The following SUGCT variants were observed in gnomAD, a reference collection of about 807,000 sequenced individuals.
The protein encoded by SUGCT is succinyl-CoA:glutarate CoA-transferase.
A neutral mutation model predicts 55.0 loss-of-function variants in SUGCT; 41 were observed. The ratio of observed to expected loss-of-function variants is 0.74; its 90% CI spans 0.58 to 0.97. The LOEUF (loss-of-function observed/expected upper bound fraction) is 0.97, where lower values mean the gene tolerates loss of function less well. Among genes scored for constraint, SUGCT ranks in the 50% least tolerant of loss-of-function variants. SUGCT has a pLI of 0.00. For synonymous variants in SUGCT, 187 were observed against 200.4 expected (o/e 0.93, Z 0.56); for missense variants, 568 against 547.8 (o/e 1.04, Z -0.37).
chr7:40,517,911 A>C (rs529443310), intron 12 of SUGCT, among the ~76,000 whole-genome samples: 6 of 152,138 alleles, frequency 3.9e-5, no homozygotes, highest in African/African-American at 1.4e-4. Context: ...TGCATATTAT[A>C]TAATTCCAAT....
rs1554296332 is a variant in SUGCT at position 40,249,313 on chromosome 7, C to CTATATGTATATATATA, written c.576+11592_576+11593insGTATATATATATATAT. 1.4e-4 allele frequency among the ~76,000 whole-genome samples: 11 copies of CTATATGTATATATATA among 79,512 alleles called. No homozygotes were observed. The South Asian group carries it at 5.1e-3, about 37-fold the overall frequency. The allele number at this position is 79,512 out of a possible 152,430, so 52.2% of individuals were successfully genotyped here. A position where few individuals can be genotyped will look rare whatever the true frequency, so the allele number is the denominator to read the frequency against. On this transcript the variant is annotated intron_variant, in intron 7 of 13. Coordinates refer to ENST00000335693, the MANE Select transcript of SUGCT (RefSeq NM_001193313.2). ...TCTTAAAACAAAAAACACCAAAAAG[C>CTATATGTATATATATA]TATATATATATATATATATATATAT...
intron 2 of SUGCT, 52 bp from the exon 3 acceptor site, chr7:40,181,898 TTAATA>T (rs1269307777): frequency 1.8e-6 from 2 of 1,095,632 alleles, no homozygotes; most frequent in East Asian, 5.2e-5. Flanking sequence ...TGGAAAATAA[TTAATA>T]TAAACATTTT....
intron 6 of SUGCT, among the ~76,000 whole-genome samples, chr7:40,210,834 TTAGGGTGGAGCAGGTGATTGGAAGG>T (rs1787294232): frequency 6.6e-6 from 1 of 151,788 alleles, no homozygotes; most frequent in South Asian, 2.1e-4. Context: ...TTGGAATGAG[TTAGGGTGGAGCAGGTGATTGGAAGG>T]TAGGGTGGAG....
chr7:40,327,625 G>A (rs1562684076), intron 9 of SUGCT, among the ~76,000 whole-genome samples: 2 of 152,184 alleles, frequency 1.3e-5, no homozygotes, highest in East Asian at 3.9e-4. Flanking sequence ...TGCAAGGAAA[G>A]TAAAAGTAGT....
intron 12 of SUGCT, among the ~76,000 whole-genome samples, chr7:40,649,561 C>A (rs1479550961): frequency 6.6e-6 from 1 of 152,104 alleles, no homozygotes; most frequent in Non-Finnish European, 1.5e-5. Context: ...TATATTAATT[C>A]TATCTTCTAT....
At chr7:40,205,146 C>T (rs565020363) in intron 6 of SUGCT, among the ~76,000 whole-genome samples, 11 of 150,124 alleles carry the variant, frequency 7.3e-5, no homozygotes, top group African/African-American at 2.0e-4. Context: ...CCTAGCTACT[C>T]GGGGAGGCTG....
At chr7:40,705,335 C>A (rs1008929439) in intron 12 of SUGCT, among the ~76,000 whole-genome samples, 1 of 152,096 alleles carries the variant, frequency 6.6e-6, no homozygotes, top group African/African-American at 2.4e-5. Context: ...GCCATTTCAT[C>A]CCAGGTAGAT....
the SUGCT span, among the ~76,000 whole-genome samples, chr7:41,035,467 T>C: frequency 2.0e-5 from 3 of 152,110 alleles, no homozygotes; most frequent in African/African-American, 4.8e-5. Flanking sequence ...TCCATCATGC[T>C]CTCAAAGGGT....
intron 12 of SUGCT, among the ~76,000 whole-genome samples, chr7:40,666,011 T>C (rs1212582806): frequency 6.6e-6 from 1 of 151,792 alleles, no homozygotes; most frequent in African/African-American, 2.4e-5. Flanking sequence ...TGATCGACAG[T>C]TTGAGGAAAA....
At chr7:40,184,561 G>A (rs1286310153) in intron 3 of SUGCT, among the ~76,000 whole-genome samples, 1 of 151,622 alleles carries the variant, frequency 6.6e-6, no homozygotes, top group Non-Finnish European at 1.5e-5. Context: ...TTGAACTCCT[G>A]GGCTCAAACG....
Position 40,432,477 on chromosome 7 carries a change from G to A in SUGCT, c.817-16810G>A, listed in dbSNP as rs552922126. On this transcript the variant is annotated intron_variant, in intron 9 of 13. Transcript: ENST00000335693. The stretch of plus-strand genomic sequence containing the variant: ...CCGAGGTGGGCAGATCACGAGGTCA[G>A]GAGTTTGAGACCAGGATGACCAACA... Among the ~76,000 whole-genome samples, 7 of 152,160 alleles carry A rather than the reference G, an allele frequency of 4.6e-5. 1 individual carries two copies. In the Middle Eastern group the frequency reaches 0.014, roughly 296 times the overall value.
At chr7:40,306,223 A>G (rs1244413838) in intron 8 of SUGCT, among the ~76,000 whole-genome samples, 1 of 152,074 alleles carries the variant, frequency 6.6e-6, no homozygotes, top group Non-Finnish European at 1.5e-5. Flanking sequence ...CTCAGTTTTT[A>G]TTCTCAATAC....
intron 6 of SUGCT, among the ~76,000 whole-genome samples, chr7:40,223,163 C>T (rs1168129224): frequency 6.6e-6 from 1 of 151,818 alleles, no homozygotes; most frequent in Admixed American, 6.6e-5. Context: ...TGTGTTCAAG[C>T]GATTCTCCTG....
At chr7:40,985,675 C>A in the SUGCT span, among the ~76,000 whole-genome samples, 2 of 152,140 alleles carry the variant, frequency 1.3e-5, no homozygotes, top group African/African-American at 2.4e-5. Context: ...CAAAAATAGA[C>A]CACCATAGTA....
At chr7:40,149,951 G>C (rs890648589) in intron 1 of SUGCT, among the ~76,000 whole-genome samples, 1 of 151,968 alleles carries the variant, frequency 6.6e-6, no homozygotes, top group African/African-American at 2.4e-5. Flanking sequence ...AAATTAGCAG[G>C]GTGTGCTGGT....
At chr7:40,443,816 G>C (rs1788653991) in intron 9 of SUGCT, among the ~76,000 whole-genome samples, 1 of 152,064 alleles carries the variant, frequency 6.6e-6, no homozygotes, top group Admixed American at 6.6e-5. Context: ...GTCCTGAATG[G>C]TATTGCCTAT....
chr7:40,985,058 A>G, the SUGCT span, among the ~76,000 whole-genome samples: 1 of 152,214 alleles, frequency 6.6e-6, no homozygotes, highest in African/African-American at 2.4e-5. Context: ...TGTCTATTCA[A>G]GTAATAACCC....
intron 8 of SUGCT, among the ~76,000 whole-genome samples, chr7:40,314,522 G>A (rs189407909): frequency 1.3e-5 from 2 of 148,338 alleles, no homozygotes; most frequent in Non-Finnish European, 3.0e-5. Context: ...TCAGGAAGGG[G>A]TGTCAAGGGA....
At chr7:40,813,490 G>C (rs1563020886) in intron 13 of SUGCT, among the ~76,000 whole-genome samples, 1 of 151,954 alleles carries the variant, frequency 6.6e-6, no homozygotes, top group Non-Finnish European at 1.5e-5. Flanking sequence ...TTTTACTGTT[G>C]TTGGTTTAAA....
Sources: gnomAD v4.1 joint callset for allele counts (sites outside exome capture counted in the v4.1 genomes callset) on GRCh38, gnomAD v4.1.1 for gene constraint, MANE v1.5 for transcripts, NCBI Gene and HGNC (gene_info 2026-07-23, HGNC 2026-07-21) for gene names.